COL26A1: variants seen among roughly 807,000 people sequenced by gnomAD.
COL26A1 encodes the protein collagen type XXVI alpha 1 chain, also known as collagen alpha-1(XXVI) chain.
COL26A1 carries 41 observed loss-of-function variants against 59.3 expected under a neutral mutation model. The ratio of observed to expected loss-of-function variants is 0.69; its 90% CI spans 0.54 to 0.90. The LOEUF is 0.90. COL26A1 is among the 40% of genes least tolerant of loss of function. COL26A1 has a pLI of 0.00. For synonymous variants in COL26A1, 266 were observed against 256.0 expected, an observed-to-expected ratio of 1.04 and a Z score of -0.37; for missense variants, 612 against 602.3, an observed-to-expected ratio of 1.02 and a Z score of -0.17.
At chr7:101,422,837 C>T (rs1245252444) in intron 2 of COL26A1, among the ~76,000 whole-genome samples, 7 of 152,012 alleles carry the variant, frequency 4.6e-5, no homozygotes, top group Admixed American at 2.6e-4. Context: ...ACAGGGGTCT[C>T]GCCATGTTGC....
intron 3 of COL26A1, among the ~76,000 whole-genome samples, chr7:101,513,486 C>T (rs11766108): frequency 0.2 from 30,285 of 151,690 alleles, 3,749 homozygotes; most frequent in African/African-American, 0.35. Flanking sequence ...GTCACCGTGC[C>T]CAGCTAATTT....
intron 10 of COL26A1, 140 bp from the exon 11 acceptor site, chr7:101,553,186 C>T (rs1010677302): frequency 5.8e-6 from 4 of 688,886 alleles, no homozygotes; most frequent in Middle Eastern, 2.6e-4. Flanking sequence ...GGGCAGGAGT[C>T]CCCTGGGCCC....
rs146793776 is a variant in COL26A1, at chr7:101,414,309, C to T, written c.159-5668C>T. ...CTCAGTGTGGTTCAGAGATGCTGGACGACGGCCTGTCTGTTCTAGAACCCT... is the reference window on the plus strand; with the variant it reads ...CTCAGTGTGGTTCAGAGATGCTGGATGACGGCCTGTCTGTTCTAGAACCCT... On this transcript the variant is annotated intron_variant, in intron 1 of 12. Coordinates refer to ENST00000313669, the MANE Select transcript of COL26A1 (RefSeq NM_001278563.3). Among the ~76,000 whole-genome samples, 389 of 152,148 alleles carry T rather than the reference C, an allele frequency of 2.6e-3. 3 individuals are homozygous for T. The highest frequency in any genetic ancestry group is 8.8e-3 in the African/African-American group (364 of 41,518).
intron 1 of COL26A1, among the ~76,000 whole-genome samples, chr7:101,365,393 T>A (rs1367049663): frequency 6.6e-6 from 1 of 152,116 alleles, no homozygotes; most frequent in Non-Finnish European, 1.5e-5. Flanking sequence ...CCATTTTCCC[T>A]CTGTCTGCTT....
chr7:101,547,781 A>G (rs1327860999), intron 8 of COL26A1, among the ~76,000 whole-genome samples: 1 of 145,318 alleles, frequency 6.9e-6, no homozygotes, highest in African/African-American at 2.8e-5. Context: ...TCATTCGTTC[A>G]TTCATTCATT....
chr7:101,549,099 C>T lies in COL26A1; in HGVS notation c.941-72C>T, dbSNP rs1795805273. The T allele has an allele frequency of 4.0e-6, 3 of 750,658 alleles. No individual in the cohort carries two copies. The African/African-American group carries it at 5.5e-5, about 14-fold the overall frequency. 46.5% of individuals were successfully genotyped at this position (750,658 alleles called of 1,614,324 possible). ...ACTTCCCATGGAGACAGATCAAGAA[C>T]AGGTGCTGGGGTGGGAGGCTGGGGG... On this transcript the variant is annotated intron_variant, in intron 8 of 12. Transcript: ENST00000313669.
intron 1 of COL26A1, among the ~76,000 whole-genome samples, chr7:101,393,015 T>G (rs941386579): frequency 4.0e-5 from 6 of 151,502 alleles, no homozygotes; most frequent in Admixed American, 6.6e-5. Context: ...TGTTTTTTTT[T>G]TTTTTGAGAT....
intron 3 of COL26A1, among the ~76,000 whole-genome samples, chr7:101,499,751 C>A (rs988567238): frequency 6.6e-6 from 1 of 151,622 alleles, no homozygotes; most frequent in Non-Finnish European, 1.5e-5. Flanking sequence ...GTTGCACATA[C>A]CTGTGGTCCT....
chr7:101,462,374 T>C (rs1793636215), intron 3 of COL26A1, among the ~76,000 whole-genome samples: 1 of 152,000 alleles, frequency 6.6e-6, no homozygotes, highest in African/African-American at 2.4e-5. Context: ...TGGAGTGCAG[T>C]GGTGCCATCT....
intron 1 of COL26A1, among the ~76,000 whole-genome samples, chr7:101,377,371 T>A (rs549432888): frequency 1.3e-5 from 2 of 152,098 alleles, no homozygotes; most frequent in Non-Finnish European, 2.9e-5. Flanking sequence ...GGGGAGGCCC[T>A]AAGGTTGGGG....
rs1005264158 is a variant in COL26A1, at chr7:101,466,784, C to T, written c.385+18997C>T. ...GACTGAGATGAGAATGCTAAGACCC[C>T]GGCATGTTCTGGTGTGTGTGTGTGT... is the stretch of plus-strand genomic sequence containing the variant. On this transcript the variant is annotated intron_variant, in intron 3 of 12. Coordinates refer to ENST00000313669, the MANE Select transcript of COL26A1 (RefSeq NM_001278563.3). 5.0e-4 allele frequency among the ~76,000 whole-genome samples: 67 copies of T among 133,112 alleles called. 2 individuals are homozygous for T. Among genetic ancestry groups the T allele is most frequent in the South Asian group, 1.3e-3 (5 of 3,958 alleles). The allele number at this position is 133,112 out of a possible 152,430, so 87.3% of individuals were successfully genotyped here.
At position 101,557,904 on chromosome 7, in the gene COL26A1, CTTA is replaced by C. The variant is rs1159790535; in HGVS notation, c.*379_*381del. 1.2e-5 allele frequency: 2 copies of C among 170,498 alleles called. No homozygotes were observed. Among genetic ancestry groups the C allele is most frequent in the Admixed American group, 1.3e-4 (2 of 15,812 alleles). The allele number at this position is 170,498 out of a possible 1,614,324, so 10.6% of individuals were successfully genotyped here. Reference sequence around the variant, plus strand: ...CATTATTTAACCCTTAGGAGGTAAGCTTATTATCCCCACTTCACAAGGGGACCG... The same window carrying C: ...CATTATTTAACCCTTAGGAGGTAAGCTTATCCCCACTTCACAAGGGGACCG... On this transcript the variant is annotated 3_prime_UTR_variant, in exon 13 of 13. Coordinates refer to ENST00000313669, the MANE Select transcript of COL26A1 (RefSeq NM_001278563.3).
At chr7:101,543,851 G>A in intron 5 of COL26A1, 147 bp from the exon 6 acceptor site, 1 of 572,818 alleles carries the variant, frequency 1.7e-6, no homozygotes, top group South Asian at 2.4e-5. Flanking sequence ...GCTCCAAGGT[G>A]ATGTGAGTGC....
intron 1 of COL26A1, among the ~76,000 whole-genome samples, chr7:101,377,531 A>G (rs1791347920): frequency 6.6e-6 from 1 of 152,102 alleles, no homozygotes; most frequent in Non-Finnish European, 1.5e-5. Context: ...GACTCAAGTG[A>G]TCCTTCCACC....
intron 2 of COL26A1, among the ~76,000 whole-genome samples, chr7:101,435,711 A>G (rs1156924365): frequency 6.6e-6 from 1 of 152,168 alleles, no homozygotes; most frequent in African/African-American, 2.4e-5. Context: ...TAGAAGGACA[A>G]GTCCCAGGGA....
chr7:101,503,618 G>T (rs1794747780), intron 3 of COL26A1, among the ~76,000 whole-genome samples: 1 of 152,200 alleles, frequency 6.6e-6, no homozygotes, highest in Non-Finnish European at 1.5e-5. Context: ...CCGGCCTCTG[G>T]TGATCATCCC....
chr7:101,481,486 C>T (rs1388672698), intron 3 of COL26A1, among the ~76,000 whole-genome samples: 2 of 150,922 alleles, frequency 1.3e-5, no homozygotes, highest in Non-Finnish European at 2.9e-5. Context: ...CAGGGACTCA[C>T]TGTCACCCCG....
intron 3 of COL26A1, among the ~76,000 whole-genome samples, chr7:101,475,979 T>C (rs772778734): frequency 2.1e-4 from 32 of 150,394 alleles, no homozygotes; most frequent in Non-Finnish European, 3.5e-4. Context: ...TTGTCTCTCT[T>C]TCTTTCTTTC....
chr7:101,375,365 A>C (rs569745754), intron 1 of COL26A1, among the ~76,000 whole-genome samples: 1 of 152,144 alleles, frequency 6.6e-6, no homozygotes, highest in African/African-American at 2.4e-5. Flanking sequence ...GCTGATGGGG[A>C]CTTGGCAAAG....
Sources: gnomAD v4.1 joint callset for allele counts (sites outside exome capture counted in the v4.1 genomes callset) on GRCh38, gnomAD v4.1.1 for gene constraint, MANE v1.5 for transcripts, NCBI Gene and HGNC (gene_info 2026-07-23, HGNC 2026-07-21) for gene names.